Variants in BCKDHB observed in about 807,000 individuals in gnomAD.
BCKDHB encodes 2-oxoisovalerate dehydrogenase subunit beta, mitochondrial.
A neutral mutation model predicts 48.5 loss-of-function variants in BCKDHB; 41 were observed. The ratio of observed to expected loss-of-function variants is 0.85; its 90% confidence interval spans 0.66 to 1.10. The LOEUF is 1.10. Among genes scored for constraint, BCKDHB ranks in the 50% least tolerant of loss-of-function variants. BCKDHB has a pLI of 0.00. For missense variants in BCKDHB, 496 were observed against 494.2 expected, an observed-to-expected ratio of 1.00 and a Z score of -0.03; for synonymous variants, 201 against 174.8, an observed-to-expected ratio of 1.15 and a Z score of -1.18.
intron 3 of BCKDHB, among the ~76,000 whole-genome samples, chr6:80,131,454 A>G (rs1440719309): frequency 6.6e-6 from 1 of 152,058 alleles, no homozygotes; most frequent in Non-Finnish European, 1.5e-5. Context: ...AATTATATCT[A>G]ATCTGGCCCC....
At chr6:80,320,683 C>T (rs995907348) in intron 9 of BCKDHB, among the ~76,000 whole-genome samples, 5 of 152,022 alleles carry the variant, frequency 3.3e-5, no homozygotes, top group Admixed American at 1.3e-4. Context: ...CATAAAATTG[C>T]AAAAGTTATA....
the BCKDHB span, among the ~76,000 whole-genome samples, chr6:80,436,738 A>G: frequency 0.011 from 1,669 of 152,324 alleles, 16 homozygotes; most frequent in African/African-American, 0.025. Context: ...TCCCTTTTGA[A>G]GAAGATCTAC....
chr6:80,132,913 A>G (rs1027039232), intron 3 of BCKDHB, among the ~76,000 whole-genome samples: 8 of 152,226 alleles, frequency 5.3e-5, no homozygotes, highest in Non-Finnish European at 1.0e-4. Context: ...CCTTTTGAAT[A>G]TAGGGCAGGA....
intron 6 of BCKDHB, among the ~76,000 whole-genome samples, chr6:80,172,699 A>G (rs1364113444): frequency 6.6e-6 from 1 of 152,142 alleles, no homozygotes; most frequent in Non-Finnish European, 1.5e-5. Flanking sequence ...TGAATAGATC[A>G]CAATTAATTC....
intron 7 of BCKDHB, among the ~76,000 whole-genome samples, chr6:80,202,804 A>G (rs1352824469): frequency 7.0e-6 from 1 of 143,852 alleles, no homozygotes; most frequent in Non-Finnish European, 1.5e-5. Context: ...CTCCCTCTAC[A>G]TGCTTTCTAC....
intron 9 of BCKDHB, among the ~76,000 whole-genome samples, chr6:80,273,970 T>G (rs1582482877): frequency 6.6e-6 from 1 of 152,170 alleles, no homozygotes; most frequent in East Asian, 1.9e-4. Flanking sequence ...TGCATGTCTT[T>G]TAAATTCAGA....
At chr6:80,156,498 T>C (rs1772051071) in intron 3 of BCKDHB, among the ~76,000 whole-genome samples, 1 of 152,132 alleles carries the variant, frequency 6.6e-6, no homozygotes. Context: ...TAGAAGTAAG[T>C]GTATCAGTAA....
chr6:80,431,397 T>A, the BCKDHB span, among the ~76,000 whole-genome samples: 2 of 152,208 alleles, frequency 1.3e-5, no homozygotes, highest in Non-Finnish European at 2.9e-5. Context: ...GTCTCATTGA[T>A]CTGTCTAATA....
chr6:80,378,196 C>G, the BCKDHB span, among the ~76,000 whole-genome samples: 1 of 152,066 alleles, frequency 6.6e-6, no homozygotes, highest in Non-Finnish European at 1.5e-5. Flanking sequence ...TACTCATCAT[C>G]AAAATATTGA....
intron 3 of BCKDHB, among the ~76,000 whole-genome samples, chr6:80,133,843 A>T (rs1182275717): frequency 1.3e-5 from 2 of 151,990 alleles, no homozygotes; most frequent in East Asian, 3.9e-4. Flanking sequence ...GGGTTTCATC[A>T]TGTTGGCTAG....
intron 8 of BCKDHB, among the ~76,000 whole-genome samples, chr6:80,213,991 C>T (rs1351491342): frequency 1.3e-5 from 2 of 152,070 alleles, no homozygotes; most frequent in Non-Finnish European, 2.9e-5. Flanking sequence ...GCTCAGTGTT[C>T]TTAGATTTAG....
intron 8 of BCKDHB, among the ~76,000 whole-genome samples, chr6:80,235,805 C>T (rs937849007): frequency 1.3e-5 from 2 of 152,130 alleles, no homozygotes; most frequent in African/African-American, 4.8e-5. Context: ...GTTTTATGAA[C>T]AGCAGATGGC....
At chr6:80,324,029 C>T (rs1020200289) in intron 9 of BCKDHB, among the ~76,000 whole-genome samples, 1 of 152,162 alleles carries the variant, frequency 6.6e-6, no homozygotes, top group Non-Finnish European at 1.5e-5. Flanking sequence ...GCCTCGGCCT[C>T]CCAAAGTGCT....
the BCKDHB span, among the ~76,000 whole-genome samples, chr6:80,408,347 A>G: frequency 6.6e-6 from 1 of 152,176 alleles, no homozygotes; most frequent in East Asian, 1.9e-4. Flanking sequence ...AGGCTTTGGT[A>G]GAAGGATGAT....
chr6:80,229,890 TAAAG>T (rs1252266034), intron 8 of BCKDHB, among the ~76,000 whole-genome samples: 2 of 151,934 alleles, frequency 1.3e-5, no homozygotes, highest in African/African-American at 2.4e-5. Context: ...AGTGGATACA[TAAAG>T]AAAAGAATAA....
chr6:80,441,782 A>C, the BCKDHB span, among the ~76,000 whole-genome samples: 2 of 152,168 alleles, frequency 1.3e-5, no homozygotes, highest in East Asian at 3.8e-4. Context: ...CCAGCCAAAA[A>C]ATATATACCA....
intron 8 of BCKDHB, among the ~76,000 whole-genome samples, chr6:80,258,474 G>C (rs1202322547): frequency 1.3e-5 from 2 of 152,200 alleles, no homozygotes; most frequent in African/African-American, 4.8e-5. Context: ...TTTCATCACT[G>C]GCCTGTAGTT....
the BCKDHB span, among the ~76,000 whole-genome samples, chr6:80,398,854 C>A: frequency 6.6e-6 from 1 of 152,122 alleles, no homozygotes; most frequent in African/African-American, 2.4e-5. Context: ...GAGCAAAATA[C>A]TTCCAAAATG....
rs951242472 is a variant in BCKDHB, at chr6:80,122,195, A to T, written c.197-5352A>T. 1.9e-4 allele frequency among the ~76,000 whole-genome samples: 29 copies of T among 152,194 alleles called. 1 individual carries two copies. The highest frequency in any genetic ancestry group is 1.7e-3 in the Admixed American group (26 of 15,270). On this transcript the variant is annotated intron_variant, in intron 1 of 9. Coordinates refer to ENST00000320393, the MANE Select transcript of BCKDHB (RefSeq NM_183050.4). ...GTTGAACCAGCCTTGCATCCCAGGGATGAAGTTGACTTGATCGTGGTGGAT... is the reference window on the plus strand; with the variant it reads ...GTTGAACCAGCCTTGCATCCCAGGGTTGAAGTTGACTTGATCGTGGTGGAT...
Sources: gnomAD v4.1 joint callset for allele counts (sites outside exome capture counted in the v4.1 genomes callset) on GRCh38, gnomAD v4.1.1 for gene constraint, MANE v1.5 for transcripts, NCBI Gene and HGNC (gene_info 2026-07-23, HGNC 2026-07-21) for gene names.